GANC: variants seen among roughly 807,000 people sequenced by gnomAD.
GANC encodes glucosidase alpha, neutral C.
Under a neutral mutation model 124.2 loss-of-function variants are expected in GANC, and 117 were observed. The observed-to-expected ratio is 0.94, with a 90% CI of 0.81 to 1.10. GANC has a LOEUF of 1.10. Among genes scored for constraint, GANC ranks in the 50% least tolerant of loss-of-function variants. The pLI is 0.00. For synonymous variants in GANC, 377 were observed against 376.8 expected (o/e 1.00, Z -0.01); for missense variants, 1,140 against 1,095.0 (o/e 1.04, Z -0.58).
chr15:42,274,635 CGGGAAG>C (rs2051638477), intron 1 of GANC, 125 bp downstream of exon 1: 8 of 973,936 alleles, frequency 8.2e-6, no homozygotes, highest in Non-Finnish European at 1.2e-5. Flanking sequence ...TCTCAATTCG[CGGGAAG>C]TTAGTTGATA....
chr15:42,277,854 G>A (rs2051688912), intron 2 of GANC, among the ~76,000 whole-genome samples: 1 of 141,998 alleles, frequency 7.0e-6, no homozygotes, highest in South Asian at 2.3e-4. Flanking sequence ...CATCCACCTC[G>A]GCCTCCCAAA....
In GANC at chr15:42,339,882, A is replaced by C; in HGVS notation, c.2057A>C (p.His686Pro). 6.2e-7 allele frequency: 1 copy of C among 1,614,090 alleles called. No homozygotes were observed. Among genetic ancestry groups the C allele is most frequent in the South Asian group, 1.1e-5 (1 of 91,084 alleles). ...LLPYWYSLFY[H>P]AHVASQPVMR... ...CCATATTGGTATTCTCTGTTCTACC[A>C]TGCACACGTGGCTTCCCAACCTGTC... The change falls in exon 17 of 24, where the codon CAT (histidine) becomes CCT (proline). Residue 686 changes from histidine to proline, a missense_variant. By Grantham distance (77) the His-to-Pro change is moderately conservative. Coordinates refer to ENST00000318010, the MANE Select transcript of GANC (RefSeq NM_198141.3).
chr15:42,342,374 G>A (rs1020196142), intron 18 of GANC, among the ~76,000 whole-genome samples: 3 of 152,096 alleles, frequency 2.0e-5, no homozygotes, highest in African/African-American at 7.2e-5. Flanking sequence ...TTAAATTGAG[G>A]AGTTTGAGAT....
chr15:42,304,293 GTTC>G (rs1197923852), intron 6 of GANC, among the ~76,000 whole-genome samples: 1 of 152,108 alleles, frequency 6.6e-6, no homozygotes, highest in Non-Finnish European at 1.5e-5. Context: ...AAATAAACAA[GTTC>G]TTTGAAACCA....
Position 42,321,996 on chromosome 15 carries a change from G to A in GANC, c.1269G>A (p.Glu423=). 1.9e-6 allele frequency: 3 copies of A among 1,613,262 alleles called. No homozygotes were observed. Among genetic ancestry groups the A allele is most frequent in the Non-Finnish European group, 2.5e-6 (3 of 1,179,614 alleles). The change falls in exon 11 of 24, where the codon GAG becomes GAA. Residue 423 remains glutamate (E), a synonymous_variant. Transcript: ENST00000318010. ...TCCCAAACCCCAAGAGGATGCAAGAGCTGCTCAGGAGCAAAAAGCGTAAGG... is the reference window on the plus strand; with the variant it reads ...TCCCAAACCCCAAGAGGATGCAAGAACTGCTCAGGAGCAAAAAGCGTAAGG... ...NRFPNPKRMQ[E]LLRSKKRKLV...
At chr15:42,331,638 A>G (rs1312558812) in intron 15 of GANC, among the ~76,000 whole-genome samples, 1 of 152,204 alleles carries the variant, frequency 6.6e-6, no homozygotes, top group Admixed American at 6.5e-5. Context: ...CCAAAATATT[A>G]CAATCTCAGG....
chr15:42,275,076 A>G (rs1020250118), intron 1 of GANC, among the ~76,000 whole-genome samples: 2 of 152,144 alleles, frequency 1.3e-5, no homozygotes, highest in African/African-American at 4.8e-5. Flanking sequence ...CAATCTTTGT[A>G]CACTTGATTA....
At chr15:42,293,994 T>A (rs1311573578) in intron 5 of GANC, among the ~76,000 whole-genome samples, 1 of 151,554 alleles carries the variant, frequency 6.6e-6, no homozygotes, top group East Asian at 1.9e-4. Context: ...AAGACTGCAG[T>A]GAGCTGCGAC....
chr15:42,348,321 C>T, intron 21 of GANC, 105 bp downstream of exon 21: 1 of 668,130 alleles, frequency 1.5e-6, no homozygotes, highest in Non-Finnish European at 2.5e-6. Flanking sequence ...TGACATTTAT[C>T]TAGAAATCAA....
In GANC at chr15:42,273,237, A is replaced by G. The variant is rs963765090; in HGVS notation, c.-1245A>G. ...CCTTGCTCCTCTAGGTTCAGACGTT[A>G]GTGAAGTGAATACTCACCGACGGTA... On this transcript the variant is annotated 5_prime_UTR_variant, in exon 1 of 24. Transcript: ENST00000318010. The G allele has an allele frequency of 3.7e-6, 6 of 1,612,420 alleles. No homozygotes were observed. The highest frequency in any genetic ancestry group is 1.3e-5 in the African/African-American group (1 of 74,844).
chr15:42,308,083 A>G, intron 7 of GANC, 139 bp from the exon 8 acceptor site: 2 of 557,548 alleles, frequency 3.6e-6, no homozygotes, highest in Non-Finnish European at 6.6e-6. Context: ...GGGTCAGTAC[A>G]CAGCATTTGC....
At chr15:42,339,550 C>G in intron 16 of GANC, 119 bp from the exon 17 acceptor site, 1 of 1,199,736 alleles carries the variant, frequency 8.3e-7, no homozygotes, top group Non-Finnish European at 1.2e-6. Flanking sequence ...CGGCTTTATC[C>G]TGTCATTTGA....
At chr15:42,281,093 T>G (rs1204012241) in intron 3 of GANC, 1 of 702,448 alleles carries the variant, frequency 1.4e-6, no homozygotes, top group Non-Finnish European at 2.6e-6. Context: ...CTCCCAAGAC[T>G]GAGAACTTTG....
chr15:42,324,370 T>A (rs896148298), intron 11 of GANC, among the ~76,000 whole-genome samples: 4 of 152,252 alleles, frequency 2.6e-5, no homozygotes, highest in Admixed American at 6.5e-5. Context: ...GAAAACAATA[T>A]GATAGTTCCT....
At chr15:42,310,889 T>A in intron 10 of GANC, 43 bp downstream of exon 10, 2 of 1,580,816 alleles carry the variant, frequency 1.3e-6, no homozygotes, top group South Asian at 2.2e-5. Flanking sequence ...CTGTTACATA[T>A]CCAATGTCCC....
rs901339620 is a variant in GANC at position 42,352,589 on chromosome 15, C to T, written c.*450C>T. 2 of 1,010,074 alleles carry T rather than the reference C, an allele frequency of 2.0e-6. No individual in the cohort carries two copies. The highest frequency in any genetic ancestry group is 5.2e-5 in the Admixed American group (1 of 19,244). The allele number at this position is 1,010,074 out of a possible 1,614,324, so 62.6% of individuals were successfully genotyped here. On this transcript the variant is annotated 3_prime_UTR_variant, in exon 24 of 24. Transcript: ENST00000318010. ...TGGACAGCAGCCTCTGGTACTCCCC[C>T]CAGTTATCTTCCACCCACATGGACT...
chr15:42,283,219 G>C (rs6493034), intron 3 of GANC, among the ~76,000 whole-genome samples: 1 of 152,194 alleles, frequency 6.6e-6, no homozygotes, highest in East Asian at 1.9e-4. Context: ...AGCTGGTTGC[G>C]TGTTCAGATG....
intron 18 of GANC, among the ~76,000 whole-genome samples, chr15:42,341,567 ATTT>A (rs569629807): frequency 1.7e-4 from 24 of 143,352 alleles, no homozygotes; most frequent in African/African-American, 4.6e-4. Flanking sequence ...TCTGAGTTCT[ATTT>A]TTTTTTTTTT....
intron 15 of GANC, 120 bp downstream of exon 15, chr15:42,330,792 T>G: frequency 2.0e-6 from 1 of 489,176 alleles, no homozygotes; most frequent in Non-Finnish European, 3.4e-6. Context: ...TTTTTTTTTT[T>G]CATTTGTTTG....
Sources: gnomAD v4.1 joint callset for allele counts (sites outside exome capture counted in the v4.1 genomes callset) on GRCh38, gnomAD v4.1.1 for gene constraint, MANE v1.5 for transcripts, NCBI Gene and HGNC (gene_info 2026-07-23, HGNC 2026-07-21) for gene names.